MSH3: variants seen among roughly 807,000 people sequenced by gnomAD.
MSH3 encodes mutS homolog 3.
A neutral mutation model predicts 123.3 loss-of-function variants in MSH3; 106 were observed. The ratio of observed to expected loss-of-function variants is 0.86; its 90% CI spans 0.73 to 1.01. MSH3 has a LOEUF of 1.01. MSH3 is among the 50% of genes least tolerant of loss of function. The pLI, the probability that MSH3 is intolerant of heterozygous loss-of-function variation, is 0.00. For synonymous variants in MSH3, 515 were observed against 481.4 expected, an observed-to-expected ratio of 1.07 and a Z score of -0.91; for missense variants, 1,459 against 1,347.6, an observed-to-expected ratio of 1.08 and a Z score of -1.29.
intron 21 of MSH3, chr5:80,855,573 C>T (rs1476394741): frequency 6.6e-6 from 1 of 152,188 alleles, no homozygotes; most frequent in Non-Finnish European, 1.5e-5. Flanking sequence ...GTTTGGTCCT[C>T]TAGGCTTCAT....
intron 8 of MSH3, among the ~76,000 whole-genome samples, chr5:80,699,014 C>T (rs1443539799): frequency 5.3e-5 from 8 of 151,908 alleles, no homozygotes; most frequent in South Asian, 2.1e-4. Flanking sequence ...AGTGAGAAAG[C>T]GGCATTACAC....
chr5:80,873,026 TAA>T (rs1561506428), intron 22 of MSH3, 88 bp from the exon 23 acceptor site: 1 of 1,156,512 alleles, frequency 8.6e-7, no homozygotes, highest in East Asian at 2.4e-5. Flanking sequence ...TACGATTTAA[TAA>T]AGTTATGAGA....
At chr5:80,756,334 T>C (rs150532942) in intron 12 of MSH3, among the ~76,000 whole-genome samples, 427 of 152,200 alleles carry the variant, frequency 2.8e-3, no homozygotes, top group Admixed American at 4.4e-3. Flanking sequence ...CCTGAAGAAA[T>C]TACCTAGAAT....
chr5:80,840,186 A>G (rs558774456), intron 20 of MSH3, among the ~76,000 whole-genome samples: 1 of 152,288 alleles, frequency 6.6e-6, no homozygotes, highest in Admixed American at 6.5e-5. Flanking sequence ...TAAAAATGGA[A>G]TGCATTATTG....
At chr5:80,727,691 G>A (rs1431685327) in intron 9 of MSH3, among the ~76,000 whole-genome samples, 3 of 152,062 alleles carry the variant, frequency 2.0e-5, no homozygotes, top group Non-Finnish European at 4.4e-5. Flanking sequence ...CAGGCATTGG[G>A]CATACAATAA....
At chr5:80,787,080 A>G (rs1000525184) in intron 17 of MSH3, among the ~76,000 whole-genome samples, 6 of 45,698 alleles carry the variant, frequency 1.3e-4, no homozygotes, top group East Asian at 0.011. Context: ...TAGGTCTACA[A>G]TGGGGTTAAT....
At chr5:80,861,120 C>T (rs115457551) in intron 21 of MSH3, among the ~76,000 whole-genome samples, 2,077 of 152,256 alleles carry the variant, frequency 0.014, 21 homozygotes, top group Non-Finnish European at 0.018. Context: ...GCTTCCAATT[C>T]CCAGTCTGAT....
chr5:80,733,982 C>T (rs1457980849), intron 10 of MSH3, among the ~76,000 whole-genome samples: 1 of 151,958 alleles, frequency 6.6e-6, no homozygotes, highest in Non-Finnish European at 1.5e-5. Context: ...ATATGATGTC[C>T]ACATAAAAAC....
intron 15 of MSH3, 113 bp downstream of exon 15, chr5:80,769,116 G>A: frequency 1.0e-6 from 1 of 958,800 alleles, no homozygotes; most frequent in South Asian, 1.6e-5. Context: ...CAAATTTTCT[G>A]TTTTATTCCT....
At chr5:80,769,120 T>C (rs1478273854) in intron 15 of MSH3, 117 bp downstream of exon 15, 2 of 915,050 alleles carry the variant, frequency 2.2e-6, no homozygotes, top group African/African-American at 1.7e-5. Flanking sequence ...TTTTCTGTTT[T>C]ATTCCTTGGA....
At chr5:80,814,879 C>A (rs1422014798) in intron 20 of MSH3, among the ~76,000 whole-genome samples, 1 of 152,202 alleles carries the variant, frequency 6.6e-6, no homozygotes, top group East Asian at 1.9e-4. Flanking sequence ...AGTGAAATAT[C>A]CTGGCTTCAC....
At chr5:80,709,191 G>A (rs533511292) in intron 8 of MSH3, among the ~76,000 whole-genome samples, 34 of 149,266 alleles carry the variant, frequency 2.3e-4, no homozygotes, top group African/African-American at 7.9e-4. Flanking sequence ...CCACATTAGC[G>A]ATGAATATAA....
rs574641062 is a variant in MSH3, at chr5:80,693,851, G to T, written c.1340+14758G>T. The stretch of plus-strand genomic sequence containing the variant: ...TTTTGCATATTTTTAGTAGAGATGG[G>T]GTTTCACCATAGTGTCCAGGCTGAT... On this transcript the variant is annotated intron_variant, in intron 8 of 23. Coordinates refer to ENST00000265081, the MANE Select transcript of MSH3 (RefSeq NM_002439.5). Among the ~76,000 whole-genome samples the T allele has an allele frequency of 1.1e-4, 17 of 152,100 alleles. No homozygotes were observed. The South Asian group carries it at 1.9e-3, about 17-fold the overall frequency.
chr5:80,722,044 A>T (rs568839145), intron 8 of MSH3, among the ~76,000 whole-genome samples: 1 of 152,210 alleles, frequency 6.6e-6, no homozygotes. Flanking sequence ...AAGAAAAAAA[A>T]TATATAAACT....
At chr5:80,781,490 T>TC (rs1030085284) in intron 17 of MSH3, among the ~76,000 whole-genome samples, 39 of 150,544 alleles carry the variant, frequency 2.6e-4, no homozygotes, top group African/African-American at 3.7e-4. Context: ...TTTTTTTTTT[T>TC]TTTTCCTCGC....
At position 80,864,691 on chromosome 5, in the gene MSH3, C is replaced by G. The variant is rs529924969; in HGVS notation, c.3001-122C>G. 3.7e-6 allele frequency: 3 copies of G among 802,330 alleles called. No homozygotes were observed. In the East Asian group the frequency reaches 8.1e-5, roughly 22 times the overall value. The allele number at this position is 802,330 out of a possible 1,614,324, so 49.7% of individuals were successfully genotyped here. A position where few individuals can be genotyped will look rare whatever the true frequency, so the allele number is the denominator to read the frequency against. Reference sequence around the variant, plus strand: ...AGGTAAACAGTATATAATAATTGGTCGTTGTACTTTTCTTGTGACTTTTAG... The same window carrying G: ...AGGTAAACAGTATATAATAATTGGTGGTTGTACTTTTCTTGTGACTTTTAG... On this transcript the variant is annotated intron_variant, in intron 21 of 23. Coordinates refer to ENST00000265081, the MANE Select transcript of MSH3 (RefSeq NM_002439.5).
intron 10 of MSH3, among the ~76,000 whole-genome samples, chr5:80,737,516 A>AT (rs1213469990): frequency 3.3e-5 from 5 of 152,208 alleles, no homozygotes; most frequent in Non-Finnish European, 5.9e-5. Context: ...CAAAGCATGA[A>AT]TTCTAGCCAG....
intron 8 of MSH3, among the ~76,000 whole-genome samples, chr5:80,718,192 A>T (rs1245503422): frequency 6.6e-6 from 1 of 152,134 alleles, no homozygotes; most frequent in Non-Finnish European, 1.5e-5. Flanking sequence ...CATTGTTATC[A>T]CCTTCTTAAT....
intron 20 of MSH3, among the ~76,000 whole-genome samples, chr5:80,816,293 T>TGG (rs10671548): frequency 0.71 from 107,108 of 151,826 alleles, 37,770 homozygotes; most frequent in South Asian, 0.8. Flanking sequence ...GCTGTGATCC[T>TGG]GATATGATCT....
Sources: gnomAD v4.1 joint callset for allele counts (sites outside exome capture counted in the v4.1 genomes callset) on GRCh38, gnomAD v4.1.1 for gene constraint, MANE v1.5 for transcripts, NCBI Gene and HGNC (gene_info 2026-07-23, HGNC 2026-07-21) for gene names.